LARGE1: variants seen among roughly 807,000 people sequenced by gnomAD.
LARGE1 encodes xylosyl- and glucuronyltransferase LARGE1.
Under a neutral mutation model 87.6 loss-of-function variants are expected in LARGE1, and 43 were observed. The observed-to-expected ratio is 0.49, with a 90% CI of 0.38 to 0.63. LARGE1 has a LOEUF of 0.63. Among genes scored for constraint, LARGE1 ranks in the 30% least tolerant of loss-of-function variants. The pLI, the probability that LARGE1 is intolerant of heterozygous loss-of-function variation, is 0.00. For missense variants in LARGE1, 802 were observed against 1,000.2 expected (o/e 0.80, Z 2.67); for synonymous variants, 434 against 394.6 (o/e 1.10, Z -1.18).
At chr22:33,739,167 A>C (rs2083780446) in intron 2 of LARGE1, among the ~76,000 whole-genome samples, 1 of 152,112 alleles carries the variant, frequency 6.6e-6, no homozygotes, top group South Asian at 2.1e-4. Flanking sequence ...TTACCGTGCC[A>C]GCCCTGGGCT....
At chr22:33,301,145 T>A (rs935888496) in intron 12 of LARGE1, among the ~76,000 whole-genome samples, 4 of 152,148 alleles carry the variant, frequency 2.6e-5, no homozygotes, top group Non-Finnish European at 5.9e-5. Context: ...ACAAGGGGCA[T>A]CCACTGGTAA....
At chr22:33,909,784 C>T (rs1032710291) in intron 1 of LARGE1, among the ~76,000 whole-genome samples, 4 of 151,948 alleles carry the variant, frequency 2.6e-5, no homozygotes, top group South Asian at 2.1e-4. Context: ...ATGATTCGCC[C>T]GCCTCAGCCT....
chr22:33,792,452 G>C (rs899471560), intron 1 of LARGE1, among the ~76,000 whole-genome samples: 3 of 152,140 alleles, frequency 2.0e-5, no homozygotes, highest in African/African-American at 7.2e-5. Context: ...GCTGAACTGT[G>C]AATCAATTAA....
At chr22:33,521,567 C>T (rs1282748580) in intron 6 of LARGE1, among the ~76,000 whole-genome samples, 4 of 152,254 alleles carry the variant, frequency 2.6e-5, no homozygotes, top group East Asian at 1.9e-4. Flanking sequence ...TCAAAACAAA[C>T]GACAAGACCG....
chr22:33,884,243 C>G lies in LARGE1; in HGVS notation c.-83+35752G>C, dbSNP rs1490948357. On this transcript the variant is annotated intron_variant, in intron 1 of 14. Transcript: ENST00000397394. ...AGCTTCCTCTGTGTACGAATCATTA[C>G]TGCAGCTGTCCGTCCACACTGCTGG... 3.3e-5 allele frequency among the ~76,000 whole-genome samples: 5 copies of G among 152,228 alleles called. No homozygotes were observed. The East Asian group carries it at 9.6e-4, about 29-fold the overall frequency.
intron 1 of LARGE1, among the ~76,000 whole-genome samples, chr22:33,882,045 G>GTT (rs3216428): frequency 5.5e-4 from 72 of 130,824 alleles, no homozygotes; most frequent in South Asian, 1.6e-3. Flanking sequence ...GTTTTTTTTT[G>GTT]TTTTTTTTTT....
chr22:33,857,823 A>G (rs2063797476), intron 1 of LARGE1, among the ~76,000 whole-genome samples: 1 of 152,208 alleles, frequency 6.6e-6, no homozygotes, highest in South Asian at 2.1e-4. Context: ...CCATTGTGGA[A>G]GACAGTGTGG....
intron 3 of LARGE1, among the ~76,000 whole-genome samples, chr22:33,640,241 A>G (rs1333912853): frequency 6.6e-6 from 1 of 152,194 alleles, no homozygotes; most frequent in Non-Finnish European, 1.5e-5. Context: ...AGTGAGAGGA[A>G]GTGCACTGCT....
chr22:33,324,305 C>CAAACAACCCCCCCCA (rs1937052304), intron 10 of LARGE1, among the ~76,000 whole-genome samples: 2 of 117,408 alleles, frequency 1.7e-5, no homozygotes, highest in Non-Finnish European at 1.8e-5. Context: ...ACCCCCCCCC[C>CAAACAACCCCCCCCA]AAAACAAACA....
At chr22:33,337,393 T>A (rs2146566068) in intron 10 of LARGE1, among the ~76,000 whole-genome samples, 1 of 152,266 alleles carries the variant, frequency 6.6e-6, no homozygotes, top group East Asian at 1.9e-4. Flanking sequence ...TTCTGTTTCC[T>A]CTGCTTGGAA....
intron 14 of LARGE1, among the ~76,000 whole-genome samples, chr22:33,274,851 A>G (rs1312078736): frequency 6.6e-6 from 1 of 152,162 alleles, no homozygotes; most frequent in Non-Finnish European, 1.5e-5. Flanking sequence ...TCTCATCTAT[A>G]AGGTGAAAGT....
chr22:33,851,491 A>G (rs1485606394), intron 1 of LARGE1, among the ~76,000 whole-genome samples: 1 of 152,226 alleles, frequency 6.6e-6, no homozygotes, highest in Non-Finnish European at 1.5e-5. Context: ...ATTCAATACC[A>G]TTCAGCTGTA....
chr22:33,220,712 G>A (rs1206209198), intron 11 of LARGE1, among the ~76,000 whole-genome samples: 1 of 152,172 alleles, frequency 6.6e-6, no homozygotes, highest in Non-Finnish European at 1.5e-5. Flanking sequence ...TGGGAGTCTG[G>A]TGTGTTCAAC....
At chr22:33,574,507 G>C (rs9607058) in intron 5 of LARGE1, among the ~76,000 whole-genome samples, 22,834 of 151,668 alleles carry the variant, frequency 0.15, 2,283 homozygotes, top group African/African-American at 0.28. Context: ...ACGTATAGCA[G>C]TGGTCCAGTA....
chr22:33,524,442 G>C (rs1569237948), intron 6 of LARGE1, among the ~76,000 whole-genome samples: 1 of 151,800 alleles, frequency 6.6e-6, no homozygotes, highest in Non-Finnish European at 1.5e-5. Context: ...TCTCTAATAA[G>C]TTTCTTAGTA....
chr22:33,424,564 AC>A (rs1272639006), intron 7 of LARGE1, among the ~76,000 whole-genome samples: 1 of 152,144 alleles, frequency 6.6e-6, no homozygotes, highest in Non-Finnish European at 1.5e-5. Context: ...AGTGGCTCAC[AC>A]CTGTAATCCT....
intron 11 of LARGE1, among the ~76,000 whole-genome samples, chr22:33,209,927 G>C (rs1227496081): frequency 6.6e-6 from 1 of 152,172 alleles, no homozygotes; most frequent in East Asian, 1.9e-4. Context: ...GGTATTACAG[G>C]CATGAGCCAC....
intron 9 of LARGE1, among the ~76,000 whole-genome samples, chr22:33,372,966 A>G (rs904426025): frequency 1.3e-5 from 2 of 152,200 alleles, no homozygotes; most frequent in African/African-American, 4.8e-5. Flanking sequence ...AAAAGAAAAG[A>G]GCATTTCCTA....
At chr22:33,614,622 T>A (rs2079530592) in intron 4 of LARGE1, among the ~76,000 whole-genome samples, 1 of 152,110 alleles carries the variant, frequency 6.6e-6, no homozygotes, top group Non-Finnish European at 1.5e-5. Flanking sequence ...CCTGCAGGAA[T>A]AAAGTCAACA....
Sources: allele counts gnomAD v4.1 joint callset (sites outside exome capture counted in the v4.1 genomes callset), GRCh38; gene constraint gnomAD v4.1.1; transcripts MANE v1.5; gene names NCBI Gene and HGNC (gene_info 2026-07-23, HGNC 2026-07-21).